The following UGGT1 variants were observed in gnomAD, a reference collection of about 807,000 sequenced individuals.
UGGT1 encodes UDP-glucose:glycoprotein glucosyltransferase 1.
UGGT1 carries 107 observed loss-of-function variants against 203.9 expected under a neutral mutation model. The observed-to-expected ratio is 0.52, with a 90% CI of 0.45 to 0.62. UGGT1 has a LOEUF of 0.62. Ranked by LOEUF, UGGT1 falls within the 20% of genes least tolerant of loss-of-function variation. UGGT1 has a pLI of 0.00. For missense variants in UGGT1, 1,673 were observed against 1,867.2 expected (o/e 0.90, Z 1.92); for synonymous variants, 628 against 653.5 (o/e 0.96, Z 0.59).
intron 19 of UGGT1, among the ~76,000 whole-genome samples, chr2:128,154,928 A>G (rs1338269656): frequency 1.3e-5 from 2 of 152,206 alleles, no homozygotes; most frequent in Non-Finnish European, 2.9e-5. Flanking sequence ...GAATTCTAGG[A>G]ATAATAATTT....
Position 128,164,821 on chromosome 2 carries a change from C to T in UGGT1, c.2917C>T (p.His973Tyr), listed in dbSNP as rs1329749572. The T allele has an allele frequency of 1.9e-6, 3 of 1,604,194 alleles. No homozygotes were observed. The highest frequency in any genetic ancestry group is 1.7e-5 in the Admixed American group (1 of 57,626). ...RIEYQFFEDR[H>Y]SAIKLRPKEG... Reference sequence around the variant, plus strand: ...CGAGTACCAGTTTTTTGAAGACAGACACAGGTATAGAATTAATGTTGAATT... The same window carrying T: ...CGAGTACCAGTTTTTTGAAGACAGATACAGGTATAGAATTAATGTTGAATT... The change falls in exon 26 of 41, where the codon CAC (histidine) becomes TAC (tyrosine). Residue 973 changes from histidine (H) to tyrosine (Y), a missense_variant. His to Tyr is a moderately conservative substitution (Grantham distance 83). Transcript: ENST00000259253.
chr2:128,185,727 C>T (rs1036366196), intron 38 of UGGT1, among the ~76,000 whole-genome samples: 11 of 152,020 alleles, frequency 7.2e-5, no homozygotes, highest in African/African-American at 2.7e-4. Context: ...CTACCCACTT[C>T]AGCAGCTATT....
intron 16 of UGGT1, among the ~76,000 whole-genome samples, chr2:128,142,599 AAAG>A (rs1019842161): frequency 6.6e-6 from 1 of 151,274 alleles, no homozygotes; most frequent in African/African-American, 2.4e-5. Flanking sequence ...AAAAAAAAAA[AAAG>A]AATATTTAAT....
At chr2:128,145,236 A>G (rs1243174307) in intron 17 of UGGT1, among the ~76,000 whole-genome samples, 2 of 152,196 alleles carry the variant, frequency 1.3e-5, no homozygotes, top group Non-Finnish European at 2.9e-5. Context: ...CTTATAATTT[A>G]TGGTAGCAAA....
chr2:128,110,736 G>A (rs1234744910), intron 5 of UGGT1, among the ~76,000 whole-genome samples: 1 of 152,166 alleles, frequency 6.6e-6, no homozygotes, highest in African/African-American at 2.4e-5. Context: ...ATTTATACAT[G>A]TAGGTAGTTT....
At chr2:128,098,606 T>G (rs1418838165) in intron 2 of UGGT1, among the ~76,000 whole-genome samples, 3 of 151,930 alleles carry the variant, frequency 2.0e-5, no homozygotes, top group African/African-American at 7.3e-5. Flanking sequence ...AAAAAATAGC[T>G]GAGTGTGGTG....
At chr2:128,141,960 T>C (rs1300159291) in intron 16 of UGGT1, among the ~76,000 whole-genome samples, 1 of 152,114 alleles carries the variant, frequency 6.6e-6, no homozygotes, top group African/African-American at 2.4e-5. Context: ...TCTCTTTTTT[T>C]TGAGACAGTC....
intron 12 of UGGT1, among the ~76,000 whole-genome samples, chr2:128,127,926 T>G (rs1174536478): frequency 6.6e-6 from 1 of 151,948 alleles, no homozygotes; most frequent in Non-Finnish European, 1.5e-5. Flanking sequence ...ATACAAAAAT[T>G]AGCCATGCCT....
chr2:128,173,638 TTTTGTC>T, intron 29 of UGGT1, 137 bp from the exon 30 acceptor site: 1 of 1,027,026 alleles, frequency 9.7e-7, no homozygotes, highest in Non-Finnish European at 1.4e-6. Flanking sequence ...GTCATTATAC[TTTTGTC>T]TTTTCTTGAA....
intron 15 of UGGT1, among the ~76,000 whole-genome samples, chr2:128,138,201 G>A (rs1349682580): frequency 2.6e-5 from 4 of 152,178 alleles, no homozygotes; most frequent in East Asian, 1.9e-4. Flanking sequence ...CCTAAGCCAC[G>A]TTTGAGAGCC....
intron 2 of UGGT1, among the ~76,000 whole-genome samples, chr2:128,098,157 C>T (rs955501627): frequency 6.6e-6 from 1 of 152,176 alleles, no homozygotes; most frequent in Admixed American, 6.5e-5. Context: ...GCCACTGTGC[C>T]TGGCCAGTTG....
At position 128,138,717 on chromosome 2, in the gene UGGT1, A is replaced by G; in HGVS notation, c.1584A>G (p.Arg528=). The part of the protein sequence containing the change: ...EMFLSNHIPL[R]IGFIFVVNDS... ...TTTTTTCTTTTCCCTTTCCCTCCAG[A>G]ATTGGTTTTATCTTTGTGGTTAATG... Residue 528 remains arginine, a splice_region_variant and synonymous_variant, in exon 16 of 41, where the codon AGA becomes AGG. Transcript: ENST00000259253. The G allele has an allele frequency of 6.2e-7, 1 of 1,608,344 alleles. No individual in the cohort carries two copies.
At chr2:128,184,720 A>G (rs548803283) in intron 38 of UGGT1, among the ~76,000 whole-genome samples, 85 of 152,276 alleles carry the variant, frequency 5.6e-4, no homozygotes, top group African/African-American at 2.0e-3. Context: ...TCTGTTTCCC[A>G]GGCTGGAGTG....
At position 128,157,240 on chromosome 2, in the gene UGGT1, G is replaced by A. The variant is rs1177225414; in HGVS notation, c.2261-12G>A. Reference sequence around the variant, plus strand: ...TCCTCTGACTCAATTAGCTGTTTTTGTTTTTCTACAGATGATTCTTTTATT... The same window carrying A: ...TCCTCTGACTCAATTAGCTGTTTTTATTTTTCTACAGATGATTCTTTTATT... On this transcript the variant is annotated splice_polypyrimidine_tract_variant and intron_variant, in intron 21 of 40. Transcript: ENST00000259253. 1 of 1,607,520 alleles carries A rather than the reference G, an allele frequency of 6.2e-7. No individual in the cohort carries two copies. Among genetic ancestry groups the A allele is most frequent in the South Asian group, 1.1e-5 (1 of 90,908 alleles).
In UGGT1 at chr2:128,127,360, G is replaced by A; in HGVS notation, c.1135-1G>A. Reference sequence around the variant, plus strand: ...CCCTAATAATTATTAAAATTTTTCAGTATTTCAAGGGAACTTTAGGATTAC... The same window carrying A: ...CCCTAATAATTATTAAAATTTTTCAATATTTCAAGGGAACTTTAGGATTAC... On this transcript the variant is annotated splice_acceptor_variant, in intron 11 of 40. Transcript: ENST00000259253. LOFTEE classifies it high-confidence loss of function. 6.2e-7 allele frequency: 1 copy of A among 1,607,404 alleles called. No homozygotes were observed. Among genetic ancestry groups the A allele is most frequent in the Middle Eastern group, 1.7e-4 (1 of 5,964 alleles).
chr2:128,151,439 T>A, intron 18 of UGGT1: 1 of 354,062 alleles, frequency 2.8e-6, no homozygotes, highest in Admixed American at 4.2e-5. Flanking sequence ...TCAAGTAGAT[T>A]TATAATATTG....
chr2:128,092,197 G>A (rs577899697), intron 1 of UGGT1, among the ~76,000 whole-genome samples: 3 of 149,354 alleles, frequency 2.0e-5, no homozygotes, highest in East Asian at 3.9e-4. Context: ...CTATTTAACA[G>A]CACCACAAAA....
At chr2:128,103,183 A>G in intron 2 of UGGT1, 1 of 460,146 alleles carries the variant, frequency 2.2e-6, no homozygotes. Flanking sequence ...GCTTTAAGAC[A>G]GTGAAAGATC....
At chr2:128,100,018 A>ACCCCCCCCCCC (rs373235190) in intron 2 of UGGT1, among the ~76,000 whole-genome samples, 2 of 34,912 alleles carry the variant, frequency 5.7e-5, no homozygotes, top group African/African-American at 2.1e-4. Context: ...GAGATTTACA[A>ACCCCCCCCCCC]CCCCCCCCCC....
Sources: allele counts gnomAD v4.1 joint callset (sites outside exome capture counted in the v4.1 genomes callset), GRCh38; gene constraint gnomAD v4.1.1; transcripts MANE v1.5; gene names NCBI Gene and HGNC (gene_info 2026-07-23, HGNC 2026-07-21).